GSAP: variants seen among roughly 807,000 people sequenced by gnomAD.
The protein encoded by GSAP is gamma-secretase-activating protein.
Under a neutral mutation model 131.7 loss-of-function variants are expected in GSAP, and 118 were observed. That is an observed-to-expected ratio of 0.90 (90% CI 0.77 to 1.04). The LOEUF (loss-of-function observed/expected upper bound fraction) is 1.04, where lower values mean the gene tolerates loss of function less well. Among genes scored for constraint, GSAP ranks in the 50% least tolerant of loss-of-function variants. The pLI, the probability that GSAP is intolerant of heterozygous loss-of-function variation, is 0.00. For missense variants in GSAP, 1,019 were observed against 1,013.2 expected, an observed-to-expected ratio of 1.01 and a Z score of -0.08; for synonymous variants, 381 against 363.4, an observed-to-expected ratio of 1.05 and a Z score of -0.55.
chr7:77,382,740 G>C (rs1000610448), intron 6 of GSAP, 97 bp from the exon 7 acceptor site: 7 of 645,714 alleles, frequency 1.1e-5, no homozygotes, highest in Non-Finnish European at 1.4e-5. Context: ...ACATACCATT[G>C]AAGAAACTGG....
Position 77,355,254 on chromosome 7 carries a change from CG to C in GSAP, c.1296del (p.Cys432TrpfsTer37). The C allele has an allele frequency of 6.2e-7, 1 of 1,613,996 alleles. No individual in the cohort carries two copies. Among genetic ancestry groups the C allele is most frequent in the Non-Finnish European group, 8.5e-7 (1 of 1,179,906 alleles). On this transcript the variant is annotated frameshift_variant, in exon 16 of 31. Coordinates refer to ENST00000257626, the MANE Select transcript of GSAP (RefSeq NM_017439.4). LOFTEE classifies it high-confidence loss of function. The part of the protein sequence containing the change: ...LDCEKMAALH[C>X]ALYCGQGAQF... ...TGCGCACCTTGACCGCAGTAGAGCG[CG>C]CAGTGCAACGCAGCCATCTTCTCAC...
intron 14 of GSAP, 65 bp downstream of exon 14, chr7:77,360,759 G>T: frequency 1.2e-6 from 1 of 839,014 alleles, no homozygotes; most frequent in Non-Finnish European, 2.1e-6. Context: ...AGTATAGAAG[G>T]CTGAGGTATA....
At chr7:77,414,587 A>G (rs1466470534) in intron 1 of GSAP, among the ~76,000 whole-genome samples, 1 of 152,174 alleles carries the variant, frequency 6.6e-6, no homozygotes, top group Non-Finnish European at 1.5e-5. Context: ...ACAAGTTTAT[A>G]TTTCTTCAGA....
At chr7:77,401,722 G>A (rs1285579066) in intron 3 of GSAP, among the ~76,000 whole-genome samples, 3 of 152,202 alleles carry the variant, frequency 2.0e-5, no homozygotes, top group African/African-American at 4.8e-5. Flanking sequence ...TCTAAATTAT[G>A]TTTGACAATC....
rs1800278166 is a variant in GSAP, at chr7:77,395,767, G to A, written c.367+1215C>T. 2.0e-5 allele frequency among the ~76,000 whole-genome samples: 3 copies of A among 152,164 alleles called. No individual in the cohort carries two copies. In the South Asian group the frequency reaches 6.2e-4, roughly 32 times the overall value. On this transcript the variant is annotated intron_variant, in intron 5 of 30. Transcript: ENST00000257626. ...CTCACAAGCCTCATGTGGAAAGTAA[G>A]TACAAAGGGTTTTTCCATCACATGC... is the stretch of plus-strand genomic sequence containing the variant.
Position 77,362,636 on chromosome 7 carries a change from G to C in GSAP, c.896C>G (p.Pro299Arg). 6.3e-7 allele frequency: 1 copy of C among 1,580,924 alleles called. No individual in the cohort carries two copies. The highest frequency in any genetic ancestry group is 8.7e-7 in the Non-Finnish European group (1 of 1,150,580). ...GATTTGTCCCCAAGAGGCACACTTC[G>C]GGCTGTAACATACACACAAACTTCC... is the stretch of plus-strand genomic sequence containing the variant. ...HTGSLCVCYSPKCASWGQITY... is the reference protein window; with the variant it reads ...HTGSLCVCYSRKCASWGQITY... The change falls in exon 13 of 31, where the codon CCG (proline) becomes CGG (arginine). Residue 299 changes from proline (P) to arginine (R), a missense_variant. By Grantham distance (103) the Pro-to-Arg change is moderately radical. Transcript: ENST00000257626.
At chr7:77,344,057 G>C (rs927553101) in intron 19 of GSAP, among the ~76,000 whole-genome samples, 3 of 152,100 alleles carry the variant, frequency 2.0e-5, no homozygotes, top group African/African-American at 4.8e-5. Context: ...ACACCTCTTG[G>C]TCTGGGTAGA....
At position 77,313,537 on chromosome 7, in the gene GSAP, G is replaced by A; in HGVS notation, c.2222C>T (p.Thr741Ile). The change falls in exon 28 of 31, where the codon ACA (threonine) becomes ATA (isoleucine). Residue 741 changes from threonine to isoleucine, a missense_variant. Thr to Ile is a moderately conservative substitution (Grantham distance 89, BLOSUM62 -1). Coordinates refer to ENST00000257626, the MANE Select transcript of GSAP (RefSeq NM_017439.4). The stretch of plus-strand genomic sequence containing the variant: ...GAATTTCAGTTTTTCATTTTTCTCT[G>A]TATTATCCAGATCTACAAGAAAGTT... ...VIRLMKDLDNTEKNEKLKFSI... is the reference protein window; with the variant it reads ...VIRLMKDLDNIEKNEKLKFSI... 2.0e-6 allele frequency: 3 copies of A among 1,522,274 alleles called. No homozygotes were observed. Among genetic ancestry groups the A allele is most frequent in the Non-Finnish European group, 2.7e-6 (3 of 1,098,780 alleles). 94.3% of individuals were successfully genotyped at this position (1,522,274 alleles called of 1,614,324 possible). A position where few individuals can be genotyped will look rare whatever the true frequency, so the allele number is the denominator to read the frequency against.
intron 18 of GSAP, among the ~76,000 whole-genome samples, chr7:77,351,944 T>C (rs923088767): frequency 1.3e-5 from 2 of 152,186 alleles, no homozygotes; most frequent in Non-Finnish European, 2.9e-5. Flanking sequence ...TCTATTCACA[T>C]GTGTTCCAAA....
At chr7:77,345,383 A>T (rs1791642653) in intron 19 of GSAP, among the ~76,000 whole-genome samples, 1 of 151,998 alleles carries the variant, frequency 6.6e-6, no homozygotes, top group East Asian at 1.9e-4. Context: ...CCCCCAAAAA[A>T]TTTTTGCTGC....
chr7:77,332,896 G>A (rs550878289), intron 19 of GSAP, among the ~76,000 whole-genome samples: 15 of 152,120 alleles, frequency 9.9e-5, no homozygotes, highest in Middle Eastern at 6.8e-3. Flanking sequence ...TAAGAAATGC[G>A]GCCAGGTCAT....
intron 13 of GSAP, among the ~76,000 whole-genome samples, chr7:77,361,689 T>C (rs1445682315): frequency 6.6e-6 from 1 of 152,196 alleles, no homozygotes; most frequent in Admixed American, 6.6e-5. Context: ...TAGTATATAC[T>C]GCACAAATAC....
At chr7:77,408,747 T>C (rs1235726232) in intron 1 of GSAP, among the ~76,000 whole-genome samples, 2 of 151,680 alleles carry the variant, frequency 1.3e-5, no homozygotes, top group African/African-American at 4.9e-5. Flanking sequence ...GACTCATTTT[T>C]CCCATACAGG....
At chr7:77,411,098 T>TAAAAAAAAAA (rs57255266) in intron 1 of GSAP, among the ~76,000 whole-genome samples, 4 of 108,834 alleles carry the variant, frequency 3.7e-5, no homozygotes, top group South Asian at 3.0e-4. Context: ...AAGAAAATAG[T>TAAAAAAAAAA]AAAAAAAAAA....
rs960940122 is a variant in GSAP, at chr7:77,387,390, T to C, written c.426A>G (p.Leu142=). 5 of 1,600,716 alleles carry C rather than the reference T, an allele frequency of 3.1e-6. No individual in the cohort carries two copies. Among genetic ancestry groups the C allele is most frequent in the Non-Finnish European group, 1.7e-6 (2 of 1,167,890 alleles). ...CCCAAATATAGCTATCCACAGCCTT[T>C]AGAACCTTCACATTGTTAACAGGGT... is the stretch of plus-strand genomic sequence containing the variant. ...EIHPVNNVKV[L]KAVDSYIWVQ... is the part of the protein sequence containing the mutation. Residue 142 remains leucine, a synonymous_variant, in exon 6 of 31, where the codon CTA becomes CTG. Coordinates refer to ENST00000257626, the MANE Select transcript of GSAP (RefSeq NM_017439.4).
chr7:77,396,243 T>C (rs1800370159), intron 5 of GSAP, among the ~76,000 whole-genome samples: 1 of 152,114 alleles, frequency 6.6e-6, no homozygotes, highest in Non-Finnish European at 1.5e-5. Flanking sequence ...TTGGTTTCTA[T>C]GTTAAAAATG....
intron 12 of GSAP, among the ~76,000 whole-genome samples, chr7:77,367,767 G>A (rs1286246557): frequency 1.3e-5 from 2 of 152,178 alleles, no homozygotes; most frequent in African/African-American, 4.8e-5. Context: ...AAGGGTTTCA[G>A]TAGGAATGGT....
intron 11 of GSAP, 113 bp downstream of exon 11, chr7:77,374,945 G>T: frequency 1.9e-6 from 1 of 535,104 alleles, no homozygotes; most frequent in Non-Finnish European, 3.3e-6. Context: ...AAAAAAAGAT[G>T]CACACAGAAT....
chr7:77,402,071 TTACTC>T (rs377477411), intron 3 of GSAP, among the ~76,000 whole-genome samples: 148 of 152,294 alleles, frequency 9.7e-4, no homozygotes, highest in African/African-American at 3.2e-3. Flanking sequence ...ACACAGGACA[TTACTC>T]TACTAGTTTT....
Sources: gnomAD v4.1 joint callset for allele counts (sites outside exome capture counted in the v4.1 genomes callset) on GRCh38, gnomAD v4.1.1 for gene constraint, MANE v1.5 for transcripts, NCBI Gene and HGNC (gene_info 2026-07-23, HGNC 2026-07-21) for gene names.